The following CNR2 variants were observed in gnomAD, a reference collection of about 807,000 sequenced individuals.
CNR2 encodes cannabinoid receptor 2 (macrophage).
For synonymous variants in CNR2, 172 were observed against 182.2 expected (o/e 0.94, Z 0.45); for missense variants, 379 against 439.9 (o/e 0.86, Z 1.24).
chr1:23,872,132 C>CAAAAAAAAAAAAAA lies in CNR2; in HGVS notation c.*2389_*2402dup, dbSNP rs60331310. 1 of 46,418 alleles carries CAAAAAAAAAAAAAA rather than the reference C, an allele frequency of 2.2e-5. No individual in the cohort carries two copies. Among genetic ancestry groups the CAAAAAAAAAAAAAA allele is most frequent in the African/African-American group, 8.1e-5 (1 of 12,314 alleles). 2.9% of individuals were successfully genotyped at this position (46,418 alleles called of 1,614,324 possible). On this transcript the variant is annotated 3_prime_UTR_variant, in exon 2 of 2. Transcript: ENST00000374472. Reference sequence around the variant, plus strand: ...TGGACAACAGAATGAGATTCCGTCTCAAAAAAAAAAAAAAAAAAAAAAAAG... The same window carrying CAAAAAAAAAAAAAA: ...TGGACAACAGAATGAGATTCCGTCTCAAAAAAAAAAAAAAAAAAAAAAAAAAAAAAAAAAAAAAG...
rs142971648 is a variant in CNR2, at chr1:23,880,185, C to CT, written c.-45-4524dup. On this transcript the variant is annotated intron_variant, in intron 1 of 1. Coordinates refer to ENST00000374472, the MANE Select transcript of CNR2 (RefSeq NM_001841.3). ...CCCTAACTCATCCCAACTTCCAACT[C>CT]TTTTTTTTTTGAGACGGAGTCTCAC... Among the ~76,000 whole-genome samples, 8 of 128,752 alleles carry CT rather than the reference C, an allele frequency of 6.2e-5. 1 individual carries two copies. Among genetic ancestry groups the CT allele is most frequent in the South Asian group, 4.6e-4 (2 of 4,322 alleles). The allele number at this position is 128,752 out of a possible 152,430, so 84.5% of individuals were successfully genotyped here.
At chr1:23,891,605 G>A (rs1640192908) in intron 1 of CNR2, among the ~76,000 whole-genome samples, 1 of 93,264 alleles carries the variant, frequency 1.1e-5, no homozygotes. Flanking sequence ...GGCAACAAGA[G>A]CAAAACTCCA....
intron 1 of CNR2, among the ~76,000 whole-genome samples, chr1:23,897,985 CTGT>C (rs1293888596): frequency 5.9e-5 from 9 of 152,004 alleles, no homozygotes; most frequent in African/African-American, 2.2e-4. Context: ...GTGTCCTTTT[CTGT>C]TGTTGTTCAA....
chr1:23,891,838 A>T (rs1570712914), intron 1 of CNR2, among the ~76,000 whole-genome samples: 1 of 152,102 alleles, frequency 6.6e-6, no homozygotes, highest in South Asian at 2.1e-4. Flanking sequence ...GAGTGGAGTC[A>T]TCTTTGTATC....
At chr1:23,904,783 A>G (rs1002139349) in intron 1 of CNR2, among the ~76,000 whole-genome samples, 7 of 152,202 alleles carry the variant, frequency 4.6e-5, no homozygotes, top group African/African-American at 1.7e-4. Context: ...ATAACCAGGG[A>G]ACAGAGAGGT....
In CNR2 at chr1:23,874,858, G is replaced by A. The variant is rs201916611; in HGVS notation, c.760C>T (p.Leu254Phe). Residue 254 changes from leucine to phenylalanine, a missense_variant, in exon 2 of 2, where the codon CTC (leucine) becomes TTC (phenylalanine). Leu to Phe is a conservative substitution (Grantham distance 22). Coordinates refer to ENST00000374472, the MANE Select transcript of CNR2 (RefSeq NM_001841.3). Reference sequence around the variant, plus strand: ...AGCACTGGGAACCAACAGATGAGGAGCACAGCCAACACTAGCCCTAGGGTC... The same window carrying A: ...AGCACTGGGAACCAACAGATGAGGAACACAGCCAACACTAGCCCTAGGGTC... ...AKTLGLVLAV[L>F]LICWFPVLAL... 5.3e-5 allele frequency: 86 copies of A among 1,613,944 alleles called. No homozygotes were observed. The highest frequency in any genetic ancestry group is 2.5e-6 in the Non-Finnish European group (3 of 1,179,942).
At chr1:23,902,037 T>C (rs1297563174) in intron 1 of CNR2, 1 of 1,598,202 alleles carries the variant, frequency 6.3e-7, no homozygotes, top group Non-Finnish European at 8.6e-7. Flanking sequence ...TCTGGATGTC[T>C]GACTGGGCAG....
chr1:23,904,262 T>C (rs1004985156), intron 1 of CNR2, among the ~76,000 whole-genome samples: 33 of 151,514 alleles, frequency 2.2e-4, no homozygotes, highest in African/African-American at 7.8e-4. Flanking sequence ...AACCTCTGCT[T>C]CCCGGGTTCA....
At chr1:23,888,723 C>A (rs567101333) in intron 1 of CNR2, among the ~76,000 whole-genome samples, 9 of 152,270 alleles carry the variant, frequency 5.9e-5, no homozygotes, top group Non-Finnish European at 1.3e-4. Flanking sequence ...GTAATCCCAG[C>A]ACTTTGGGAG....
rs530097982 is a variant in CNR2, at chr1:23,882,295, C to T, written c.-45-6633G>A. 7.2e-5 allele frequency among the ~76,000 whole-genome samples: 11 copies of T among 152,212 alleles called. No homozygotes were observed. In the East Asian group the frequency reaches 1.7e-3, roughly 24 times the overall value. On this transcript the variant is annotated intron_variant, in intron 1 of 1. Coordinates refer to ENST00000374472, the MANE Select transcript of CNR2 (RefSeq NM_001841.3). Reference sequence around the variant, plus strand: ...ATAAGCGTGATGACTGGTTTTCACGCTCACGTGTGAGATGTTCCTCAAACC... The same window carrying T: ...ATAAGCGTGATGACTGGTTTTCACGTTCACGTGTGAGATGTTCCTCAAACC...
At position 23,874,428 on chromosome 1, in the gene CNR2, G is replaced by T. The variant is rs1348159419; in HGVS notation, c.*107C>A. The stretch of plus-strand genomic sequence containing the variant: ...TCAGCAAAAAGGGGTCCGTGTCTAG[G>T]TGTCTGGGACTGGTTTAAGTAAGAA... On this transcript the variant is annotated 3_prime_UTR_variant, in exon 2 of 2. Transcript: ENST00000374472. The T allele has an allele frequency of 1.6e-6, 2 of 1,259,656 alleles. No homozygotes were observed. Among genetic ancestry groups the T allele is most frequent in the Admixed American group, 4.4e-5 (2 of 45,048 alleles). 78.0% of individuals were successfully genotyped at this position (1,259,656 alleles called of 1,614,324 possible). A position where few individuals can be genotyped will look rare whatever the true frequency, so the allele number is the denominator to read the frequency against.
At chr1:23,882,486 G>A (rs565622130) in intron 1 of CNR2, among the ~76,000 whole-genome samples, 11 of 152,160 alleles carry the variant, frequency 7.2e-5, no homozygotes, top group African/African-American at 2.2e-4. Context: ...CATCTGAGTC[G>A]TATGCAAAGG....
chr1:23,902,309 C>T, intron 1 of CNR2: 1 of 1,538,458 alleles, frequency 6.5e-7, no homozygotes, highest in Non-Finnish European at 8.8e-7. Context: ...CGTCGATGAC[C>T]TCCCAGCAGC....
chr1:23,888,100 A>T (rs1640121477), intron 1 of CNR2, among the ~76,000 whole-genome samples: 1 of 152,164 alleles, frequency 6.6e-6, no homozygotes, highest in South Asian at 2.1e-4. Context: ...CCCACCTCAA[A>T]ATGCTTAAAG....
At chr1:23,895,998 G>A (rs1292674403) in intron 1 of CNR2, among the ~76,000 whole-genome samples, 5 of 151,614 alleles carry the variant, frequency 3.3e-5, no homozygotes, top group Non-Finnish European at 7.4e-5. Context: ...TGCCTTCATT[G>A]CTACCATTAG....
Position 23,871,374 on chromosome 1 carries a change from C to A in CNR2, c.*3161G>T, listed in dbSNP as rs969820906. 6.6e-6 allele frequency: 1 copy of A among 152,176 alleles called. No homozygotes were observed. Among genetic ancestry groups the A allele is most frequent in the Non-Finnish European group, 1.5e-5 (1 of 68,042 alleles). The allele number at this position is 152,176 out of a possible 1,614,324, so 9.4% of individuals were successfully genotyped here. Reference sequence around the variant, plus strand: ...ATGAATAAAGAAAGGCATGCTTCAACTTTAAGGAATGACAGTATATAAACA... The same window carrying A: ...ATGAATAAAGAAAGGCATGCTTCAAATTTAAGGAATGACAGTATATAAACA... On this transcript the variant is annotated 3_prime_UTR_variant, in exon 2 of 2. Coordinates refer to ENST00000374472, the MANE Select transcript of CNR2 (RefSeq NM_001841.3).
At chr1:23,891,781 T>A (rs1484057570) in intron 1 of CNR2, among the ~76,000 whole-genome samples, 1 of 152,202 alleles carries the variant, frequency 6.6e-6, no homozygotes, top group East Asian at 1.9e-4. Flanking sequence ...CACATCTTGC[T>A]TCCTGGATTG....
chr1:23,875,644 G>A lies in CNR2; in HGVS notation c.-27C>T. ...GGGTGGGCCCTTCAGATTCCACTGA[G>A]CTTGTCTAGAAGGCTTTGCTGCAGT... On this transcript the variant is annotated 5_prime_UTR_variant, in exon 2 of 2. Transcript: ENST00000374472. The A allele has an allele frequency of 6.4e-7, 1 of 1,567,232 alleles. No individual in the cohort carries two copies. The highest frequency in any genetic ancestry group is 8.7e-7 in the Non-Finnish European group (1 of 1,155,584).
intron 1 of CNR2, among the ~76,000 whole-genome samples, chr1:23,909,964 CCTT>C (rs570708258): frequency 4.3e-4 from 65 of 151,296 alleles, no homozygotes; most frequent in Non-Finnish European, 8.0e-4. Flanking sequence ...AAGTCTCTCT[CCTT>C]CTTTTTTTTT....
Sources: gnomAD v4.1 joint callset for allele counts (sites outside exome capture counted in the v4.1 genomes callset) on GRCh38, gnomAD v4.1.1 for gene constraint, MANE v1.5 for transcripts, NCBI Gene and HGNC (gene_info 2026-07-23, HGNC 2026-07-21) for gene names.